Variants in DCSTAMP observed in about 807,000 individuals in gnomAD.
DCSTAMP encodes the protein dendritic cell-specific transmembrane protein.
In DCSTAMP, 25 loss-of-function variants were observed where a neutral mutation model predicts 33.8. The ratio of observed to expected loss-of-function variants is 0.74; its 90% CI spans 0.54 to 1.03. The LOEUF is 1.03. DCSTAMP is among the 50% of genes least tolerant of loss of function. DCSTAMP has a pLI of 0.00. For missense variants in DCSTAMP, 531 were observed against 556.8 expected (o/e 0.95, Z 0.47); for synonymous variants, 245 against 216.7 (o/e 1.13, Z -1.15).
rs1329574997 is a variant in DCSTAMP at position 104,350,178 on chromosome 8, G to A, written c.1029+597G>A. ...AATAAAGTAACATTAACAGTTCCAG[G>A]CACTAAGATCTTATATCTTCAGGGC... On this transcript the variant is annotated intron_variant, in intron 2 of 3. Transcript: ENST00000297581. Among the ~76,000 whole-genome samples the A allele has an allele frequency of 3.3e-5, 5 of 152,122 alleles. No homozygotes were observed. In the East Asian group the frequency reaches 7.7e-4, roughly 23 times the overall value.
intron 2 of DCSTAMP, 94 bp downstream of exon 2, chr8:104,349,675 C>T (rs1296903329): frequency 1.1e-5 from 15 of 1,407,590 alleles, no homozygotes; most frequent in African/African-American, 1.4e-5. Flanking sequence ...GGCAGTGGCT[C>T]ATTCACCTTT....
intron 2 of DCSTAMP, among the ~76,000 whole-genome samples, 189 bp from the exon 3 acceptor site, chr8:104,354,688 T>C (rs1810564607): frequency 6.6e-6 from 1 of 152,198 alleles, no homozygotes; most frequent in Non-Finnish European, 1.5e-5. Context: ...ACTGCAATAG[T>C]TACAAATAAG....
At chr8:104,351,141 A>G (rs1001178998) in intron 2 of DCSTAMP, among the ~76,000 whole-genome samples, 10 of 152,116 alleles carry the variant, frequency 6.6e-5, no homozygotes, top group African/African-American at 2.4e-4. Context: ...AACAGAGAAG[A>G]TGGTGGGGAT....
At chr8:104,355,256 C>T (rs935463090) in intron 3 of DCSTAMP, 71 bp downstream of exon 3, 2 of 1,481,878 alleles carry the variant, frequency 1.3e-6, no homozygotes, top group African/African-American at 2.8e-5. Flanking sequence ...GGAAAGGGGA[C>T]TTCGAAGCAT....
At chr8:104,341,516 G>A (rs141272340) in intron 1 of DCSTAMP, among the ~76,000 whole-genome samples, 3 of 152,200 alleles carry the variant, frequency 2.0e-5, no homozygotes, top group African/African-American at 7.2e-5. Flanking sequence ...CAGGGAAAAC[G>A]ATTGAGGTGT....
At chr8:104,343,838 G>T (rs925879196) in intron 1 of DCSTAMP, among the ~76,000 whole-genome samples, 1 of 152,202 alleles carries the variant, frequency 6.6e-6, no homozygotes, top group Non-Finnish European at 1.5e-5. Context: ...GCCGGGGAGG[G>T]GTCCTCACCA....
chr8:104,355,186 G>A lies in DCSTAMP; in HGVS notation c.1338+1G>A. 3.1e-6 allele frequency: 5 copies of A among 1,610,172 alleles called. No homozygotes were observed. Among genetic ancestry groups the A allele is most frequent in the Non-Finnish European group, 4.2e-6 (5 of 1,178,458 alleles). ...ACGGCTGAGTCTCTATCTTACAAAGGTAAGGCCAAGATGGTGGTGTAACCT... is the reference window on the plus strand; with the variant it reads ...ACGGCTGAGTCTCTATCTTACAAAGATAAGGCCAAGATGGTGGTGTAACCT... On this transcript the variant is annotated splice_donor_variant, in intron 3 of 3. Coordinates refer to ENST00000297581, the MANE Select transcript of DCSTAMP (RefSeq NM_030788.4). LOFTEE classifies it high-confidence loss of function.
chr8:104,348,689 T>A lies in DCSTAMP; in HGVS notation c.137T>A (p.Leu46His). Residue 46 changes from leucine (L) to histidine (H), a missense_variant, in exon 2 of 4, where the codon CTC (leucine) becomes CAC (histidine). By Grantham distance (99) the Leu-to-His change is moderately conservative. Transcript: ENST00000297581. ...TTGGTTGCTCTTATTTCAGTGGGCC[T>A]CCTGTCTGTGGCCGCCTGCTGGTTT... Reference protein sequence around the residue: ...CCLVALISVGLLSVAACWFLP... With the variant: ...CCLVALISVGHLSVAACWFLP... 1 of 1,614,184 alleles carries A rather than the reference T, an allele frequency of 6.2e-7. No individual in the cohort carries two copies. The highest frequency in any genetic ancestry group is 8.5e-7 in the Non-Finnish European group (1 of 1,180,028).
intron 2 of DCSTAMP, among the ~76,000 whole-genome samples, chr8:104,353,804 G>A (rs1179582359): frequency 6.6e-6 from 1 of 152,218 alleles, no homozygotes; most frequent in Non-Finnish European, 1.5e-5. Flanking sequence ...CAGCCCCAGG[G>A]CTCTGTGGCA....
chr8:104,352,453 C>T (rs1456942159), intron 2 of DCSTAMP, among the ~76,000 whole-genome samples: 1 of 152,200 alleles, frequency 6.6e-6, no homozygotes, highest in Admixed American at 6.5e-5. Flanking sequence ...CTCACTCCTT[C>T]ACTGCCATTC....
chr8:104,354,851 A>G (rs902050139), intron 2 of DCSTAMP, 26 bp from the exon 3 acceptor site: 1 of 1,487,004 alleles, frequency 6.7e-7, no homozygotes, highest in South Asian at 1.2e-5. Flanking sequence ...GGCATGCATC[A>G]TGATTATTTT....
Position 104,355,141 on chromosome 8 carries a change from C to G in DCSTAMP, c.1294C>G (p.Pro432Ala). Residue 432 changes from proline (P) to alanine (A), a missense_variant, in exon 3 of 4, where the codon CCG becomes GCG. Coordinates refer to ENST00000297581, the MANE Select transcript of DCSTAMP (RefSeq NM_030788.4). ...AKLLKKRSKQ[P>A]LGEVKRRLSL... is the part of the protein sequence containing the mutation. ...GCTGCTTAAAAAAAGATCAAAGCAG[C>G]CGCTGGGAGAAGTCAAAAGACGGCT... 1 of 1,613,948 alleles carries G rather than the reference C, an allele frequency of 6.2e-7. No homozygotes were observed. Among genetic ancestry groups the G allele is most frequent in the Non-Finnish European group, 8.5e-7 (1 of 1,179,990 alleles).
At chr8:104,349,869 G>C (rs1335681111) in intron 2 of DCSTAMP, among the ~76,000 whole-genome samples, 2 of 152,162 alleles carry the variant, frequency 1.3e-5, no homozygotes, top group Non-Finnish European at 2.9e-5. Context: ...AGTTCTGGGG[G>C]GAGAAGTATG....
In DCSTAMP at chr8:104,354,121, G is replaced by C. The variant is rs1810545044; in HGVS notation, c.1030-756G>C. Among the ~76,000 whole-genome samples, 3 of 152,262 alleles carry C rather than the reference G, an allele frequency of 2.0e-5. No individual in the cohort carries two copies. The South Asian group carries it at 6.2e-4, about 32-fold the overall frequency. ...TTATTCTCTTGCCTTCAAAAAGAAG[G>C]AATGTACCTCTCATGAGCATCCAAT... is the stretch of plus-strand genomic sequence containing the variant. On this transcript the variant is annotated intron_variant, in intron 2 of 3. Coordinates refer to ENST00000297581, the MANE Select transcript of DCSTAMP (RefSeq NM_030788.4).
Position 104,344,582 on chromosome 8 carries a change from C to A in DCSTAMP, c.-12-3959C>A, listed in dbSNP as rs1284233015. Among the ~76,000 whole-genome samples, 2 of 152,144 alleles carry A rather than the reference C, an allele frequency of 1.3e-5. 1 individual carries two copies. Among genetic ancestry groups the A allele is most frequent in the African/African-American group, 4.8e-5 (2 of 41,434 alleles). On this transcript the variant is annotated intron_variant, in intron 1 of 3. Coordinates refer to ENST00000297581, the MANE Select transcript of DCSTAMP (RefSeq NM_030788.4). ...TGGGAAATTGTTAGGAATGCCAACTCTCAGGGGCCACCCTAAACCTTCTCA... is the reference window on the plus strand; with the variant it reads ...TGGGAAATTGTTAGGAATGCCAACTATCAGGGGCCACCCTAAACCTTCTCA...
chr8:104,351,529 A>G (rs1810463525), intron 2 of DCSTAMP, among the ~76,000 whole-genome samples: 2 of 152,236 alleles, frequency 1.3e-5, no homozygotes. Context: ...GAGAAAGACT[A>G]TCGCATAGGC....
rs746184073 is a variant in DCSTAMP at position 104,349,008 on chromosome 8, T to C, written c.456T>C (p.Tyr152=). 1.2e-6 allele frequency: 2 copies of C among 1,614,134 alleles called. No homozygotes were observed. Residue 152 remains tyrosine (Y), a synonymous_variant, in exon 2 of 4, where the codon TAT becomes TAC. Coordinates refer to ENST00000297581, the MANE Select transcript of DCSTAMP (RefSeq NM_030788.4). Reference sequence around the variant, plus strand: ...ATATTGAGGCAATTCAGTGGATTTATGGCCTTGCCACTCCACTAAGTGTAT... The same window carrying C: ...ATATTGAGGCAATTCAGTGGATTTACGGCCTTGCCACTCCACTAAGTGTAT... ...KKYIEAIQWI[Y]GLATPLSVFD... is the part of the protein sequence containing the mutation.
At chr8:104,341,281 A>G (rs1326268785) in intron 1 of DCSTAMP, among the ~76,000 whole-genome samples, 1 of 152,196 alleles carries the variant, frequency 6.6e-6, no homozygotes, top group Non-Finnish European at 1.5e-5. Flanking sequence ...TTATTATTTC[A>G]TGGCTCCATT....
At chr8:104,355,241 A>T (rs1455424715) in intron 3 of DCSTAMP, 56 bp downstream of exon 3, 2 of 1,543,394 alleles carry the variant, frequency 1.3e-6, no homozygotes, top group Non-Finnish European at 1.7e-6. Context: ...GTTTGGAGGG[A>T]AATGGGAAAG....
Sources: allele counts gnomAD v4.1 joint callset (sites outside exome capture counted in the v4.1 genomes callset), GRCh38; gene constraint gnomAD v4.1.1; transcripts MANE v1.5; gene names NCBI Gene and HGNC (gene_info 2026-07-23, HGNC 2026-07-21).